The following RANBP6 variants were observed in gnomAD, a reference collection of about 807,000 sequenced individuals.
RANBP6 encodes ran-binding protein 6.
In RANBP6, 10 loss-of-function variants were observed where a neutral mutation model predicts 35.3. The ratio of observed to expected loss-of-function variants is 0.28; its 90% CI spans 0.17 to 0.48. The LOEUF (loss-of-function observed/expected upper bound fraction) is 0.48. Among genes scored for constraint, RANBP6 ranks in the 20% least tolerant of loss-of-function variants. The probability of loss-of-function intolerance (pLI) is 0.99; values close to 1 mark genes in which losing one functional copy is unlikely to be tolerated. For missense variants in RANBP6, 1,392 were observed against 1,307.7 expected (o/e 1.06, Z -0.99); for synonymous variants, 514 against 464.2 (o/e 1.11, Z -1.38).
In RANBP6 at chr9:6,012,122, C is replaced by A. The variant is rs181376476; in HGVS notation, c.*168G>T. The A allele has an allele frequency of 4.0e-6, 2 of 502,384 alleles. No individual in the cohort carries two copies. The highest frequency in any genetic ancestry group is 4.2e-5 in the South Asian group (1 of 23,806). The allele number at this position is 502,384 out of a possible 1,614,324, so 31.1% of individuals were successfully genotyped here. A position where few individuals can be genotyped will look rare whatever the true frequency, so the allele number is the denominator to read the frequency against. On this transcript the variant is annotated 3_prime_UTR_variant, in exon 1 of 1. Transcript: ENST00000259569. ...GTCTGTGTTTGGAAGATAAAACATG[C>A]GAGATAAACAGAGGACTAACACTGA...
chr9:6,015,617 T>C lies in RANBP6; in HGVS notation c.-10A>G. 1 of 1,576,662 alleles carries C rather than the reference T, an allele frequency of 6.3e-7. No individual in the cohort carries two copies. The highest frequency in any genetic ancestry group is 8.6e-7 in the Non-Finnish European group (1 of 1,168,332). ...ACGCGGTTGCCGCCATTGCGCTCTG[T>C]CAAAGCTACCGCGACCGGGAAGGAG... On this transcript the variant is annotated 5_prime_UTR_variant, in exon 1 of 1. Transcript: ENST00000259569.
At position 6,015,488 on chromosome 9, in the gene RANBP6, G is replaced by A. The variant is rs1367742190; in HGVS notation, c.120C>T (p.Ile40=). Residue 40 remains isoleucine, a synonymous_variant, in exon 1 of 1, where the codon ATC becomes ATT. Coordinates refer to ENST00000259569, the MANE Select transcript of RANBP6 (RefSeq NM_012416.4). ...TACACAGACCTGGGATATTTTCATA[G>A]ATTTCCTCTGCTTGCCTCCGCACCA... is the stretch of plus-strand genomic sequence containing the variant. ...SCMVRRQAEE[I]YENIPGLCKT... The A allele has an allele frequency of 2.5e-6, 4 of 1,613,978 alleles. No individual in the cohort carries two copies. The South Asian group carries it at 4.4e-5, about 18-fold the overall frequency.
At position 6,012,799 on chromosome 9, in the gene RANBP6, G is replaced by A. The variant is rs1410804927; in HGVS notation, c.2809C>T (p.Leu937=). The A allele has an allele frequency of 6.2e-7, 1 of 1,614,184 alleles. No homozygotes were observed. Residue 937 remains leucine, a synonymous_variant, in exon 1 of 1, where the codon CTG becomes TTG. Coordinates refer to ENST00000259569, the MANE Select transcript of RANBP6 (RefSeq NM_012416.4). The part of the protein sequence containing the change: ...PEVRQAAAYG[L]GVMAQFGGDD... ...CCACCAAACTGTGCCATGACACCCAGGCCATAAGCAGCAGCTTGCCTGACT... is the reference window on the plus strand; with the variant it reads ...CCACCAAACTGTGCCATGACACCCAAGCCATAAGCAGCAGCTTGCCTGACT...
chr9:6,013,125 T>C lies in RANBP6; in HGVS notation c.2483A>G (p.Tyr828Cys). ...CAGAGACATCTCAACCTGTTGATCATAGTTTTCTTCCTGTCTTTTCACCTG... is the reference window on the plus strand; with the variant it reads ...CAGAGACATCTCAACCTGTTGATCACAGTTTTCTTCCTGTCTTTTCACCTG... ...LRQVKRQEENYDQQVEMSLQD... is the reference protein window; with the variant it reads ...LRQVKRQEENCDQQVEMSLQD... The change falls in exon 1 of 1, where the codon TAT (tyrosine) becomes TGT (cysteine). Residue 828 changes from tyrosine (Y) to cysteine (C), a missense_variant. Physicochemically the swap from Tyr to Cys is radical, Grantham distance 194. Transcript: ENST00000259569. The C allele has an allele frequency of 4.3e-6, 7 of 1,614,092 alleles. No homozygotes were observed. The highest frequency in any genetic ancestry group is 2.2e-5 in the South Asian group (2 of 91,072).
At position 6,012,742 on chromosome 9, in the gene RANBP6, C is replaced by G. The variant is rs138687618; in HGVS notation, c.2866G>C (p.Val956Leu). Residue 956 changes from valine to leucine, a missense_variant, in exon 1 of 1, where the codon GTT becomes CTT. Coordinates refer to ENST00000259569, the MANE Select transcript of RANBP6 (RefSeq NM_012416.4). ...DDYRSLCSEA[V>L]PLLVKVIKCA... ...TTAATAACTTTTACCAGAAGTGGAA[C>G]AGCTTCTGAACATAAAGAACGATAA... The G allele has an allele frequency of 1.2e-6, 2 of 1,614,160 alleles. No homozygotes were observed. The highest frequency in any genetic ancestry group is 2.7e-5 in the African/African-American group (2 of 75,046).
At position 6,015,600 on chromosome 9, in the gene RANBP6, G is replaced by C. The variant is rs777633234; in HGVS notation, c.8C>G (p.Ala3Gly). ...CGCCGGCACCCCTGCAGACGCGGTT[G>C]CCGCCATTGCGCTCTGTCAAAGCTA... MA[A>G]TASAGVPATV... The change falls in exon 1 of 1, where the codon GCA (alanine) becomes GGA (glycine). Residue 3 changes from alanine to glycine, a missense_variant. Transcript: ENST00000259569. 6.3e-7 allele frequency: 1 copy of C among 1,592,772 alleles called. No individual in the cohort carries two copies. The highest frequency in any genetic ancestry group is 8.5e-7 in the Non-Finnish European group (1 of 1,175,468).
Position 6,015,476 on chromosome 9 carries a change from G to T in RANBP6, c.132C>A (p.Ile44=), listed in dbSNP as rs774227236. 1.9e-6 allele frequency: 3 copies of T among 1,614,002 alleles called. No homozygotes were observed. Among genetic ancestry groups the T allele is most frequent in the Admixed American group, 3.3e-5 (2 of 60,004 alleles). The change falls in exon 1 of 1, where the codon ATC becomes ATA. Residue 44 remains isoleucine, a synonymous_variant. Coordinates refer to ENST00000259569, the MANE Select transcript of RANBP6 (RefSeq NM_012416.4). ...GGAAGGTAGTCTTACACAGACCTGGGATATTTTCATAGATTTCCTCTGCTT... is the reference window on the plus strand; with the variant it reads ...GGAAGGTAGTCTTACACAGACCTGGTATATTTTCATAGATTTCCTCTGCTT... The part of the protein sequence containing the change: ...RRQAEEIYEN[I]PGLCKTTFLL...
rs1457833011 is a variant in RANBP6, at chr9:6,013,578, C to A, written c.2030G>T (p.Gly677Val). 1.2e-6 allele frequency: 2 copies of A among 1,614,188 alleles called. No individual in the cohort carries two copies. Among genetic ancestry groups the A allele is most frequent in the Admixed American group, 1.7e-5 (1 of 60,020 alleles). The change falls in exon 1 of 1, where the codon GGA (glycine) becomes GTA (valine). Residue 677 changes from glycine (G) to valine (V), a missense_variant. Physicochemically the swap from Gly to Val is moderately radical, Grantham distance 109. Coordinates refer to ENST00000259569, the MANE Select transcript of RANBP6 (RefSeq NM_012416.4). ...FVNLGDQQSF[G>V]IKTSGLEAKA... ...TGCTTCAAGTCCTGAAGTTTTAATT[C>A]CAAAACTCTGCTGGTCTCCAAGATT...
rs1842483248 is a variant in RANBP6 at position 6,012,222 on chromosome 9, A to T, written c.*68T>A. The T allele has an allele frequency of 1.7e-6, 2 of 1,181,662 alleles. No homozygotes were observed. Among genetic ancestry groups the T allele is most frequent in the Non-Finnish European group, 1.2e-6 (1 of 865,218 alleles). The allele number at this position is 1,181,662 out of a possible 1,614,324, so 73.2% of individuals were successfully genotyped here. On this transcript the variant is annotated 3_prime_UTR_variant, in exon 1 of 1. Transcript: ENST00000259569. ...AAAACAGTTCTCTGATTTATAATAA[A>T]ATCTATTCACAACACTTATTTGTAG...
Position 6,013,585 on chromosome 9 carries a change from T to C in RANBP6, c.2023A>G (p.Ser675Gly). ...WQFVNLGDQQ[S>G]FGIKTSGLEA... ...AGTCCTGAAGTTTTAATTCCAAAAC[T>C]CTGCTGGTCTCCAAGATTTACAAAT... Residue 675 changes from serine (S) to glycine (G), a missense_variant, in exon 1 of 1, where the codon AGT (serine) becomes GGT (glycine). Physicochemically the swap from Ser to Gly is moderately conservative, Grantham distance 56 (BLOSUM62 0). Coordinates refer to ENST00000259569, the MANE Select transcript of RANBP6 (RefSeq NM_012416.4). The C allele has an allele frequency of 1.2e-6, 2 of 1,614,228 alleles. No individual in the cohort carries two copies. The highest frequency in any genetic ancestry group is 1.1e-5 in the South Asian group (1 of 91,086).
In RANBP6 at chr9:6,014,597, T is replaced by G. The variant is rs1341680455; in HGVS notation, c.1011A>C (p.Glu337Asp). The change falls in exon 1 of 1, where the codon GAA becomes GAC. Residue 337 changes from glutamate to aspartate, a missense_variant. Physicochemically the swap from Glu to Asp is conservative, Grantham distance 45. Coordinates refer to ENST00000259569, the MANE Select transcript of RANBP6 (RefSeq NM_012416.4). ...CAACTGCATTGCTGTCAAAATCATC[T>G]TCTTCCATTTCATCAGCATTTACCC... ...EDWVNADEME[E>D]DDFDSNAVAA... is the part of the protein sequence containing the mutation. 1.2e-6 allele frequency: 2 copies of G among 1,614,082 alleles called. No individual in the cohort carries two copies. The highest frequency in any genetic ancestry group is 1.7e-6 in the Non-Finnish European group (2 of 1,180,046).
chr9:6,013,842 A>T lies in RANBP6; in HGVS notation c.1766T>A (p.Met589Lys), dbSNP rs1444154306. 1.2e-6 allele frequency: 2 copies of T among 1,614,056 alleles called. No homozygotes were observed. Among genetic ancestry groups the T allele is most frequent in the Admixed American group, 3.3e-5 (2 of 60,036 alleles). Reference protein sequence around the residue: ...EKFMQDASNVMQLLLKTQSDL... With the variant: ...EKFMQDASNVKQLLLKTQSDL... ...TGATTGTGTCTTCAACAACAGCTGC[A>T]TCACATTTGATGCATCTTGCATAAA... Residue 589 changes from methionine to lysine, a missense_variant, in exon 1 of 1, where the codon ATG (methionine) becomes AAG (lysine). Met to Lys is a moderately conservative substitution (Grantham distance 95). Coordinates refer to ENST00000259569, the MANE Select transcript of RANBP6 (RefSeq NM_012416.4).
In RANBP6 at chr9:6,013,999, G is replaced by A; in HGVS notation, c.1609C>T (p.Pro537Ser). 1 of 1,613,736 alleles carries A rather than the reference G, an allele frequency of 6.2e-7. No homozygotes were observed. Among genetic ancestry groups the A allele is most frequent in the East Asian group, 2.2e-5 (1 of 44,870 alleles). The change falls in exon 1 of 1, where the codon CCA (proline) becomes TCA (serine). Residue 537 changes from proline (P) to serine (S), a missense_variant. Transcript: ENST00000259569. ...VADTIEEKFV[P>S]YYDIFMPSLK... ...GAGGGCATGAATATATCATAATATGGGACAAATTTTTCTTCTATTGTATCT... is the reference window on the plus strand; with the variant it reads ...GAGGGCATGAATATATCATAATATGAGACAAATTTTTCTTCTATTGTATCT...
rs774503605 is a variant in RANBP6 at position 6,014,981 on chromosome 9, T to C, written c.627A>G (p.Val209=). ...GAGCAATATTATTCTCATTAGCAAG[T>C]ACAAATGCAGCTGCAGCTCTAGCGG... ...TLSARAAAAF[V]LANENNIALF... is the part of the protein sequence containing the mutation. The change falls in exon 1 of 1, where the codon GTA becomes GTG. Residue 209 remains valine (V), a synonymous_variant. Transcript: ENST00000259569. 12 of 1,614,102 alleles carry C rather than the reference T, an allele frequency of 7.4e-6. No individual in the cohort carries two copies. In the East Asian group the frequency reaches 2.5e-4, roughly 33 times the overall value.
At position 6,012,247 on chromosome 9, in the gene RANBP6, G is replaced by A; in HGVS notation, c.*43C>T. ...AATCTATTCACAACACTTATTTGTAGTTACTTTTATAATAGATAATATTCA... is the reference window on the plus strand; with the variant it reads ...AATCTATTCACAACACTTATTTGTAATTACTTTTATAATAGATAATATTCA... On this transcript the variant is annotated 3_prime_UTR_variant, in exon 1 of 1. Coordinates refer to ENST00000259569, the MANE Select transcript of RANBP6 (RefSeq NM_012416.4). 1 of 1,340,420 alleles carries A rather than the reference G, an allele frequency of 7.5e-7. No individual in the cohort carries two copies. The highest frequency in any genetic ancestry group is 1.0e-6 in the Non-Finnish European group (1 of 996,778). 83.0% of individuals were successfully genotyped at this position (1,340,420 alleles called of 1,614,324 possible).
In RANBP6 at chr9:6,014,777, A is replaced by T; in HGVS notation, c.831T>A (p.Ser277=). 3.1e-6 allele frequency: 5 copies of T among 1,614,190 alleles called. No homozygotes were observed. The highest frequency in any genetic ancestry group is 4.2e-6 in the Non-Finnish European group (5 of 1,180,046). ...GCTGGCGCTGCAGATTACTAAGCCT[A>T]GAGTCTCCACATAACTTCAAACTCA... The part of the protein sequence containing the change: ...LQLSLKLCGD[S]RLSNLQRQLA... The change falls in exon 1 of 1, where the codon TCT becomes TCA. Residue 277 remains serine (S), a synonymous_variant. Coordinates refer to ENST00000259569, the MANE Select transcript of RANBP6 (RefSeq NM_012416.4).
Position 6,015,041 on chromosome 9 carries a change from AATACACTGGTCCAACAACCGTTTGATGAT to A in RANBP6, c.538_566del (p.Ile180SerfsTer14). 6.2e-7 allele frequency: 1 copy of A among 1,614,258 alleles called. No individual in the cohort carries two copies. The highest frequency in any genetic ancestry group is 8.5e-7 in the Non-Finnish European group (1 of 1,180,056). On this transcript the variant is annotated frameshift_variant, in exon 1 of 1. Coordinates refer to ENST00000259569, the MANE Select transcript of RANBP6 (RefSeq NM_012416.4). LOFTEE classifies it low-confidence loss of function (END_TRUNC). The stretch of plus-strand genomic sequence containing the variant: ...TGATTGCTGGATGTTCTTGATCTTG[AATACACTGGTCCAACAACCGTTTGATGAT>A]ATCCAAATCATGCCGCTCTTGGGTC...
rs1157267884 is a variant in RANBP6 at position 6,013,946 on chromosome 9, A to G, written c.1662T>C (p.Val554=). 6.2e-7 allele frequency: 1 copy of G among 1,614,000 alleles called. No individual in the cohort carries two copies. The highest frequency in any genetic ancestry group is 1.1e-5 in the South Asian group (1 of 91,084). ...PSLKHIVELA[V]QKELKLLRGK... is the part of the protein sequence containing the mutation. ...CTCTCAGAAGCTTGAGTTCCTTCTG[A>G]ACAGCAAGCTCAACAATGTGCTTTA... The change falls in exon 1 of 1, where the codon GTT becomes GTC. Residue 554 remains valine (V), a synonymous_variant. Coordinates refer to ENST00000259569, the MANE Select transcript of RANBP6 (RefSeq NM_012416.4).
rs1403299769 is a variant in RANBP6 at position 6,011,720 on chromosome 9, G to A, written c.*570C>T. ...CAGACACCTTGGGAACTACAATATGGATATGTCCTACCCAGTTCCCAGGAG... is the reference window on the plus strand; with the variant it reads ...CAGACACCTTGGGAACTACAATATGAATATGTCCTACCCAGTTCCCAGGAG... On this transcript the variant is annotated 3_prime_UTR_variant, in exon 1 of 1. Transcript: ENST00000259569. 1 of 152,150 alleles carries A rather than the reference G, an allele frequency of 6.6e-6. No individual in the cohort carries two copies. Among genetic ancestry groups the A allele is most frequent in the Non-Finnish European group, 1.5e-5 (1 of 68,032 alleles). The allele number at this position is 152,150 out of a possible 1,614,324, so 9.4% of individuals were successfully genotyped here. A position where few individuals can be genotyped will look rare whatever the true frequency, so the allele number is the denominator to read the frequency against.
Sources: gnomAD v4.1 joint callset for allele counts on GRCh38, gnomAD v4.1.1 for gene constraint, MANE v1.5 for transcripts, NCBI Gene and HGNC (gene_info 2026-07-23, HGNC 2026-07-21) for gene names.